The following PLXDC1 variants were observed in gnomAD, a reference collection of about 807,000 sequenced individuals.
The protein encoded by PLXDC1 is plexin domain-containing protein 1.
PLXDC1 carries 39 observed loss-of-function variants against 61.3 expected under a neutral mutation model. The observed-to-expected ratio is 0.64, with a 90% CI of 0.49 to 0.83. The LOEUF (loss-of-function observed/expected upper bound fraction) is 0.83. Ranked by LOEUF, PLXDC1 falls within the 40% of genes least tolerant of loss-of-function variation. The pLI, the probability that PLXDC1 is intolerant of heterozygous loss-of-function variation, is 0.00. For synonymous variants in PLXDC1, 212 were observed against 254.5 expected, an observed-to-expected ratio of 0.83 and a Z score of 1.59; for missense variants, 596 against 666.5, an observed-to-expected ratio of 0.89 and a Z score of 1.17.
At chr17:39,152,542 C>T (rs1364467156), upstream of PLXDC1, 4 of 1,244,492 alleles carry the variant, frequency 3.2e-6, no homozygotes, top group Non-Finnish European at 4.0e-6. Context: ...CTCCCCTGAC[C>T]TACTTCGTTC....
intron 2 of PLXDC1, among the ~76,000 whole-genome samples, chr17:39,132,649 C>T (rs558955197): frequency 2.6e-5 from 4 of 151,998 alleles, no homozygotes; most frequent in South Asian, 2.1e-4. Flanking sequence ...GATGGCCTGG[C>T]GGGGGGTGCC....
At chr17:39,121,969 C>T (rs186913017) in intron 2 of PLXDC1, among the ~76,000 whole-genome samples, 12 of 151,222 alleles carry the variant, frequency 7.9e-5, no homozygotes, top group African/African-American at 2.4e-4. Context: ...TGGTGGTGGG[C>T]GCCTGTAATC....
rs1462117184 is a variant in PLXDC1 at position 39,063,588 on chromosome 17, C to T, written c.*4252G>A. On this transcript the variant is annotated 3_prime_UTR_variant, in exon 14 of 14. Coordinates refer to ENST00000315392, the MANE Select transcript of PLXDC1 (RefSeq NM_020405.5). Reference sequence around the variant, plus strand: ...TCGGAATGCCACTCCAAATCCTTTGCACTTTCTTTTGCACACAGCAGGAGT... The same window carrying T: ...TCGGAATGCCACTCCAAATCCTTTGTACTTTCTTTTGCACACAGCAGGAGT... The T allele has an allele frequency of 4.4e-6, 3 of 681,538 alleles. No homozygotes were observed. The highest frequency in any genetic ancestry group is 5.4e-5 in the East Asian group (2 of 37,092). 42.2% of individuals were successfully genotyped at this position (681,538 alleles called of 1,614,324 possible).
chr17:39,145,318 C>A (rs1475679992), intron 1 of PLXDC1, among the ~76,000 whole-genome samples: 2 of 152,176 alleles, frequency 1.3e-5, no homozygotes, highest in East Asian at 1.9e-4. Flanking sequence ...GCACTGGTCC[C>A]ATTTCAGGGC....
At chr17:39,111,204 C>T (rs539506764) in intron 2 of PLXDC1, among the ~76,000 whole-genome samples, 2 of 152,190 alleles carry the variant, frequency 1.3e-5, no homozygotes, top group Non-Finnish European at 1.5e-5. Flanking sequence ...CCACTGCCCA[C>T]GCTGGTCCTC....
intron 11 of PLXDC1, chr17:39,072,716 C>T (rs1421245381): frequency 3.6e-6 from 2 of 558,356 alleles, no homozygotes; most frequent in Non-Finnish European, 3.3e-6. Context: ...AGTGGAGGGC[C>T]GGCTGCCTGG....
intron 4 of PLXDC1, 155 bp from the exon 5 acceptor site, chr17:39,108,400 G>T (rs939224868): frequency 9.5e-6 from 7 of 733,408 alleles, no homozygotes; most frequent in Admixed American, 2.4e-5. Context: ...CTCTGGGTCT[G>T]GTGTGTATGG....
At chr17:39,138,183 G>A (rs1269276433) in intron 2 of PLXDC1, among the ~76,000 whole-genome samples, 2 of 152,108 alleles carry the variant, frequency 1.3e-5, no homozygotes, top group Non-Finnish European at 2.9e-5. Context: ...CGATCCACCC[G>A]TCTGGGCCTC....
At chr17:39,102,803 G>A (rs979054779) in intron 7 of PLXDC1, among the ~76,000 whole-genome samples, 2 of 151,622 alleles carry the variant, frequency 1.3e-5, no homozygotes, top group Non-Finnish European at 2.9e-5. Flanking sequence ...CCCTCCCTTT[G>A]CCTCCAGGGA....
At chr17:39,077,159 T>G (rs1909371606) in intron 11 of PLXDC1, among the ~76,000 whole-genome samples, 1 of 152,148 alleles carries the variant, frequency 6.6e-6, no homozygotes, top group Non-Finnish European at 1.5e-5. Flanking sequence ...TGAGCCACTG[T>G]GCCTGGCCGA....
chr17:39,147,417 C>T (rs770501715), intron 1 of PLXDC1, among the ~76,000 whole-genome samples: 2 of 152,184 alleles, frequency 1.3e-5, no homozygotes, highest in African/African-American at 2.4e-5. Flanking sequence ...GCTGCCCCCT[C>T]GGTGTTGGTG....
At chr17:39,094,454 C>G (rs1345011040) in intron 7 of PLXDC1, among the ~76,000 whole-genome samples, 2 of 152,090 alleles carry the variant, frequency 1.3e-5, no homozygotes, top group Non-Finnish European at 2.9e-5. Context: ...GACGTCCCCT[C>G]CTTGAAGACT....
At chr17:39,115,945 T>C (rs1910951670) in intron 2 of PLXDC1, among the ~76,000 whole-genome samples, 1 of 151,994 alleles carries the variant, frequency 6.6e-6, no homozygotes, top group Non-Finnish European at 1.5e-5. Context: ...GTGAAACCCA[T>C]CTCTACTAAA....
At chr17:39,122,229 C>T (rs917346404) in intron 2 of PLXDC1, among the ~76,000 whole-genome samples, 2 of 151,282 alleles carry the variant, frequency 1.3e-5, no homozygotes, top group Admixed American at 6.6e-5. Context: ...ATGTTGAAAC[C>T]CCGTCTCTAC....
At position 39,105,960 on chromosome 17, in the gene PLXDC1, C is replaced by G; in HGVS notation, c.712-7G>C. The G allele has an allele frequency of 6.2e-7, 1 of 1,605,854 alleles. No individual in the cohort carries two copies. ...CCGGGACAGACATAGGGATCTGCGG[C>G]AGGGAGAAGAGACTCCGTCCACCTC... is the stretch of plus-strand genomic sequence containing the variant. On this transcript the variant is annotated splice_polypyrimidine_tract_variant and splice_region_variant and intron_variant, in intron 6 of 13. Transcript: ENST00000315392.
Position 39,066,385 on chromosome 17 carries a change from G to A in PLXDC1, c.*1455C>T, listed in dbSNP as rs1407085485. 1.3e-5 allele frequency: 2 copies of A among 152,246 alleles called. No individual in the cohort carries two copies. The highest frequency in any genetic ancestry group is 3.8e-4 in the East Asian group (2 of 5,204). 9.4% of individuals were successfully genotyped at this position (152,246 alleles called of 1,614,324 possible). On this transcript the variant is annotated 3_prime_UTR_variant, in exon 14 of 14. Coordinates refer to ENST00000315392, the MANE Select transcript of PLXDC1 (RefSeq NM_020405.5). ...ATTGGTTCTGAGTAGAAAGGGCAAG[G>A]TAAGAGAGCAAAGCCTAAAAATGCA...
At chr17:39,090,015 T>C (rs967972419) in intron 7 of PLXDC1, among the ~76,000 whole-genome samples, 5 of 152,076 alleles carry the variant, frequency 3.3e-5, no homozygotes, top group Non-Finnish European at 7.4e-5. Flanking sequence ...GCCAGGCTGG[T>C]CCCAAACTCC....
At chr17:39,150,043 A>G (rs917381164) in intron 1 of PLXDC1, among the ~76,000 whole-genome samples, 1 of 152,192 alleles carries the variant, frequency 6.6e-6, no homozygotes, top group Non-Finnish European at 1.5e-5. Context: ...CAACAGCCTC[A>G]CTTTATAAAT....
chr17:39,092,062 A>G (rs1031844661), intron 7 of PLXDC1, among the ~76,000 whole-genome samples: 2 of 151,632 alleles, frequency 1.3e-5, no homozygotes, highest in African/African-American at 4.8e-5. Flanking sequence ...ACAACTTTGT[A>G]TAGCACTTTA....
Sources: allele counts gnomAD v4.1 joint callset (sites outside exome capture counted in the v4.1 genomes callset), GRCh38; gene constraint gnomAD v4.1.1; transcripts MANE v1.5; gene names NCBI Gene and HGNC (gene_info 2026-07-23, HGNC 2026-07-21).